The following ATP9B variants were observed in gnomAD, a reference collection of about 807,000 sequenced individuals.
ATP9B encodes ATPase phospholipid transporting 9B, also known as probable phospholipid-transporting ATPase IIB.
Under a neutral mutation model 146.1 loss-of-function variants are expected in ATP9B, and 110 were observed. The observed-to-expected ratio is 0.75, with a 90% CI of 0.65 to 0.88. The LOEUF is 0.88. Ranked by LOEUF, ATP9B falls within the 40% of genes least tolerant of loss-of-function variation. The pLI, the probability that ATP9B is intolerant of heterozygous loss-of-function variation, is 0.00. For missense variants in ATP9B, 1,499 were observed against 1,496.4 expected (o/e 1.00, Z -0.03); for synonymous variants, 604 against 569.7 (o/e 1.06, Z -0.86).
rs1239887364 is a variant in ATP9B at position 79,377,211 on chromosome 18, T to G, written c.3308-36T>G. ...GCCATGAGGGCCCAGGACTTCTTGG[T>G]CAGCTCTTACCTTTTTCTCTGTTTC... On this transcript the variant is annotated intron_variant, in intron 29 of 29. Coordinates refer to ENST00000426216, the MANE Select transcript of ATP9B (RefSeq NM_198531.5). 2.5e-6 allele frequency: 4 copies of G among 1,607,392 alleles called. No individual in the cohort carries two copies. The South Asian group carries it at 4.4e-5, about 18-fold the overall frequency.
At chr18:79,295,526 C>A (rs1192520582) in intron 13 of ATP9B, among the ~76,000 whole-genome samples, 2 of 152,206 alleles carry the variant, frequency 1.3e-5, no homozygotes, top group African/African-American at 2.4e-5. Context: ...TCACACATGG[C>A]AAATTCCACA....
chr18:79,161,731 A>G (rs1483625625), intron 7 of ATP9B, among the ~76,000 whole-genome samples: 2 of 152,134 alleles, frequency 1.3e-5, no homozygotes, highest in Admixed American at 1.3e-4. Flanking sequence ...CTATAGTCCC[A>G]GGTACTTGGG....
chr18:79,077,736 A>G (rs2072782014), intron 1 of ATP9B, among the ~76,000 whole-genome samples: 1 of 152,154 alleles, frequency 6.6e-6, no homozygotes, highest in African/African-American at 2.4e-5. Context: ...AACCAATCAT[A>G]AGGGGGCCAA....
chr18:79,329,430 G>GT (rs564440689), intron 16 of ATP9B, 128 bp downstream of exon 16: 128,606 of 750,398 alleles, frequency 0.17, 78 homozygotes, highest in East Asian at 0.2. Flanking sequence ...AGTTTTGTTT[G>GT]TTTTTTTTTT....
At chr18:79,260,522 G>T (rs2096129337) in intron 12 of ATP9B, among the ~76,000 whole-genome samples, 1 of 152,186 alleles carries the variant, frequency 6.6e-6, no homozygotes, top group Admixed American at 6.5e-5. Flanking sequence ...GGTTATCCAA[G>T]AAGGATCTGT....
chr18:79,199,436 A>T (rs553108961), intron 9 of ATP9B, among the ~76,000 whole-genome samples: 1 of 152,280 alleles, frequency 6.6e-6, no homozygotes, highest in African/African-American at 2.4e-5. Context: ...TTAGTTTTTA[A>T]AAATTTTACT....
At chr18:79,074,501 T>C (rs1292990518) in intron 1 of ATP9B, among the ~76,000 whole-genome samples, 1 of 152,238 alleles carries the variant, frequency 6.6e-6, no homozygotes, top group Non-Finnish European at 1.5e-5. Flanking sequence ...GTGGTGGGGT[T>C]GCACCTGTCG....
intron 26 of ATP9B, chr18:79,361,410 C>G (rs917087099): frequency 6.6e-6 from 1 of 152,100 alleles, no homozygotes; most frequent in African/African-American, 2.4e-5. Flanking sequence ...GAACCCTGTT[C>G]ACTTCTGATT....
chr18:79,226,439 GT>G (rs1201732736), intron 11 of ATP9B, among the ~76,000 whole-genome samples: 2 of 152,226 alleles, frequency 1.3e-5, no homozygotes, highest in Non-Finnish European at 2.9e-5. Context: ...AAATGTGCAG[GT>G]AGATGTCGCC....
At chr18:79,361,663 C>A in intron 26 of ATP9B, 1 of 469,562 alleles carries the variant, frequency 2.1e-6, no homozygotes, top group Non-Finnish European at 2.8e-6. Flanking sequence ...AGTACTGAGC[C>A]ACTAAAGTTA....
At position 79,345,549 on chromosome 18, in the gene ATP9B, C is replaced by G. The variant is rs1175580288; in HGVS notation, c.2594C>G (p.Thr865Arg). ...ATTGTGACACTGCTGCAGCAGCACA[C>G]AGGGAGACGCACCTGCGCCATCGGT... ...ARIVTLLQQH[T>R]GRRTCAIGDG... Residue 865 changes from threonine (T) to arginine (R), a missense_variant, in exon 22 of 30, where the codon ACA becomes AGA. Coordinates refer to ENST00000426216, the MANE Select transcript of ATP9B (RefSeq NM_198531.5). 6.2e-7 allele frequency: 1 copy of G among 1,609,768 alleles called. No homozygotes were observed.
rs186816980 is a variant in ATP9B, at chr18:79,105,056, A to G, written c.294-5299A>G. ...CTATATTGGCACTAAGGAATGTCCT[A>G]CTGCCATATGGGATGAGAAGCGACC... On this transcript the variant is annotated intron_variant, in intron 2 of 29. Coordinates refer to ENST00000426216, the MANE Select transcript of ATP9B (RefSeq NM_198531.5). 1.2e-3 allele frequency among the ~76,000 whole-genome samples: 184 copies of G among 152,304 alleles called. 3 individuals carry two copies. Among genetic ancestry groups the G allele is most frequent in the African/African-American group, 4.2e-3 (176 of 41,556 alleles).
At chr18:79,175,214 GAAAA>G (rs1199426278) in intron 7 of ATP9B, among the ~76,000 whole-genome samples, 5 of 132,280 alleles carry the variant, frequency 3.8e-5, no homozygotes, top group Admixed American at 1.5e-4. Context: ...AAAAAAAAAA[GAAAA>G]AAAAAAACAT....
intron 15 of ATP9B, among the ~76,000 whole-genome samples, chr18:79,313,842 T>C (rs184578215): frequency 6.6e-6 from 1 of 152,318 alleles, no homozygotes; most frequent in East Asian, 1.9e-4. Flanking sequence ...AATAACCTTT[T>C]AAAAATCCCT....
In ATP9B at chr18:79,307,121, G is replaced by A. The variant is rs769104238; in HGVS notation, c.1660G>A (p.Val554Met). The A allele has an allele frequency of 9.3e-6, 15 of 1,614,094 alleles. No individual in the cohort carries two copies. The highest frequency in any genetic ancestry group is 6.7e-5 in the East Asian group (3 of 44,896). ...GAAAGCCATCGTGCTGTGTCACAAC[G>A]TGACCCCCGTGTATGAGTCTCGGGC... ...AVKAIVLCHN[V>M]TPVYESRAGV... The change falls in exon 15 of 30, where the codon GTG becomes ATG. Residue 554 changes from valine to methionine, a missense_variant. Val to Met is a conservative substitution (Grantham distance 21, BLOSUM62 1). Transcript: ENST00000426216.
At chr18:79,308,413 A>G (rs2096631028) in intron 15 of ATP9B, among the ~76,000 whole-genome samples, 1 of 152,176 alleles carries the variant, frequency 6.6e-6, no homozygotes, top group Admixed American at 6.5e-5. Context: ...GCTATCAAAC[A>G]AGAAATAAAA....
At chr18:79,341,455 G>A (rs1328162297) in intron 19 of ATP9B, among the ~76,000 whole-genome samples, 1 of 39,640 alleles carries the variant, frequency 2.5e-5, no homozygotes, top group Admixed American at 2.7e-4. Context: ...GCGTGACCTC[G>A]TTGAAGCCTG....
intron 12 of ATP9B, among the ~76,000 whole-genome samples, chr18:79,269,416 T>C (rs2096234959): frequency 6.6e-6 from 1 of 152,248 alleles, no homozygotes; most frequent in African/African-American, 2.4e-5. Context: ...TGATATTTCT[T>C]AGTTCTAAAA....
intron 8 of ATP9B, among the ~76,000 whole-genome samples, chr18:79,187,015 G>T (rs768427149): frequency 3.9e-5 from 6 of 152,214 alleles, no homozygotes; most frequent in Non-Finnish European, 5.9e-5. Flanking sequence ...GGGCTTGGGT[G>T]GGAGTGCACT....
Sources: gnomAD v4.1 joint callset for allele counts (sites outside exome capture counted in the v4.1 genomes callset) on GRCh38, gnomAD v4.1.1 for gene constraint, MANE v1.5 for transcripts, NCBI Gene and HGNC (gene_info 2026-07-23, HGNC 2026-07-21) for gene names.